Variants in TRPS1 observed in about 807,000 individuals in gnomAD.
TRPS1 encodes transcriptional repressor GATA binding 1.
A neutral mutation model predicts 101.2 loss-of-function variants in TRPS1; 6 were observed. That is an observed-to-expected ratio of 0.06 (90% CI 0.03 to 0.12). The LOEUF is 0.12. Among genes scored for constraint, TRPS1 ranks in the 10% least tolerant of loss-of-function variants. The pLI, the probability that TRPS1 is intolerant of heterozygous loss-of-function variation, is 1.00. For synonymous variants in TRPS1, 578 were observed against 589.8 expected, an observed-to-expected ratio of 0.98 and a Z score of 0.29; for missense variants, 1,363 against 1,567.0, an observed-to-expected ratio of 0.87 and a Z score of 2.20.
chr8:115,594,826 C>T (rs998796049), intron 4 of TRPS1, among the ~76,000 whole-genome samples: 2 of 151,828 alleles, frequency 1.3e-5, no homozygotes, highest in African/African-American at 4.8e-5. Flanking sequence ...TACTCCTTTA[C>T]TATGCTCTGA....
chr8:115,594,897 T>G (rs1168927786), intron 4 of TRPS1, among the ~76,000 whole-genome samples: 4 of 151,956 alleles, frequency 2.6e-5, no homozygotes, highest in Non-Finnish European at 5.9e-5. Context: ...GTTTTTTTTC[T>G]TTTAAATGTT....
intron 5 of TRPS1, among the ~76,000 whole-genome samples, chr8:115,536,550 A>G (rs1040938941): frequency 2.0e-5 from 3 of 147,730 alleles, no homozygotes; most frequent in Admixed American, 6.8e-5. Flanking sequence ...AATGTATTTC[A>G]CAGCATTGTA....
chr8:115,476,934 G>A (rs1175801465), intron 5 of TRPS1, among the ~76,000 whole-genome samples: 1 of 152,100 alleles, frequency 6.6e-6, no homozygotes, highest in Non-Finnish European at 1.5e-5. Flanking sequence ...TCCTTCGTAT[G>A]TCTGCATTTC....
chr8:115,435,320 A>G (rs542989741), intron 5 of TRPS1, among the ~76,000 whole-genome samples: 102 of 152,290 alleles, frequency 6.7e-4, no homozygotes, highest in Non-Finnish European at 1.1e-3. Flanking sequence ...TGGCAGAACA[A>G]CCTTGGTAGC....
At chr8:115,527,070 G>A (rs1300614926) in intron 5 of TRPS1, among the ~76,000 whole-genome samples, 1 of 151,964 alleles carries the variant, frequency 6.6e-6, no homozygotes, top group Non-Finnish European at 1.5e-5. Flanking sequence ...GTTTTCCAGG[G>A]GATATCACGT....
intron 5 of TRPS1, among the ~76,000 whole-genome samples, chr8:115,449,006 A>G (rs1351747408): frequency 6.6e-6 from 1 of 152,198 alleles, no homozygotes; most frequent in Non-Finnish European, 1.5e-5. Flanking sequence ...AACCACATAT[A>G]TTCTACTTTC....
intron 1 of TRPS1, chr8:115,668,036 G>A: frequency 1.2e-6 from 1 of 826,334 alleles, no homozygotes; most frequent in Admixed American, 2.4e-5. Context: ...ACAGCGAGGG[G>A]GAGTGGGGCT....
chr8:115,480,249 G>C (rs1814717595), intron 5 of TRPS1, among the ~76,000 whole-genome samples: 1 of 152,024 alleles, frequency 6.6e-6, no homozygotes, highest in African/African-American at 2.4e-5. Context: ...TCAACAGGGA[G>C]ATGAAATGAA....
Position 115,619,205 on chromosome 8 carries a change from G to C in TRPS1, c.893C>G (p.Ser298Cys), listed in dbSNP as rs1338633532. ...GTCCTGCAGCACACCAGAAAACACA[G>C]AACGGTTGACCTTCTGGAAGTCTTT... ...HSKDFQKVNR[S>C]VFSGVLQDIN... Residue 298 changes from serine (S) to cysteine (C), a missense_variant, in exon 3 of 7, where the codon TCT becomes TGT. Coordinates refer to ENST00000395715, the MANE Select transcript of TRPS1 (RefSeq NM_014112.5). 1 of 1,614,026 alleles carries C rather than the reference G, an allele frequency of 6.2e-7. No individual in the cohort carries two copies. Among genetic ancestry groups the C allele is most frequent in the South Asian group, 1.1e-5 (1 of 91,088 alleles).
At chr8:115,590,521 A>G (rs2130453760) in intron 4 of TRPS1, among the ~76,000 whole-genome samples, 1 of 152,362 alleles carries the variant, frequency 6.6e-6, no homozygotes, top group East Asian at 1.9e-4. Context: ...TACCAGGGTG[A>G]CAAGAAGGAG....
chr8:115,572,569 A>G (rs1023370843), intron 5 of TRPS1, among the ~76,000 whole-genome samples: 2 of 152,176 alleles, frequency 1.3e-5, no homozygotes, highest in African/African-American at 4.8e-5. Context: ...AAAAGTCTTA[A>G]AGAATCAGTG....
At chr8:115,629,592 C>A (rs1370335237) in intron 1 of TRPS1, among the ~76,000 whole-genome samples, 1 of 151,792 alleles carries the variant, frequency 6.6e-6, no homozygotes, top group African/African-American at 2.4e-5. Context: ...ACCTTATATG[C>A]CAAATTTGTT....
chr8:115,456,487 A>C (rs1814028794), intron 5 of TRPS1, among the ~76,000 whole-genome samples: 1 of 152,190 alleles, frequency 6.6e-6, no homozygotes, highest in Non-Finnish European at 1.5e-5. Context: ...TTCTATATAT[A>C]ATATCGATTT....
chr8:115,507,344 C>A (rs1432865856), intron 5 of TRPS1, among the ~76,000 whole-genome samples: 1 of 152,064 alleles, frequency 6.6e-6, no homozygotes, highest in South Asian at 2.1e-4. Context: ...GGTCCCCAAA[C>A]AGCCTAATCT....
chr8:115,499,939 CTTTCTTTCTTTCTTTCTTTCTTTCT>C (rs1293379741), intron 5 of TRPS1, among the ~76,000 whole-genome samples: 361 of 79,538 alleles, frequency 4.5e-3, no homozygotes, highest in South Asian at 8.5e-3. Context: ...TTCTTTCTTT[CTTTCTTTCTTTCTTTCTTTCTTTCT>C]TTTCTTTTCT....
chr8:115,666,050 T>C (rs3808478), intron 1 of TRPS1, among the ~76,000 whole-genome samples: 75,593 of 151,920 alleles, frequency 0.5, 21,647 homozygotes, highest in African/African-American at 0.78. Flanking sequence ...ATAATGTTGG[T>C]ATTAAGGCTC....
rs1221423185 is a variant in TRPS1, at chr8:115,410,503, T to C, written c.*3520A>G. On this transcript the variant is annotated 3_prime_UTR_variant, in exon 7 of 7. Coordinates refer to ENST00000395715, the MANE Select transcript of TRPS1 (RefSeq NM_014112.5). ...GTTGATTAAAAAAAATCTCAATATGTCATGTAGAGAGAATTGGGCATACTC... is the reference window on the plus strand; with the variant it reads ...GTTGATTAAAAAAAATCTCAATATGCCATGTAGAGAGAATTGGGCATACTC... 6.6e-6 allele frequency: 1 copy of C among 152,472 alleles called. No homozygotes were observed. Among genetic ancestry groups the C allele is most frequent in the African/African-American group, 2.4e-5 (1 of 41,434 alleles). The allele number at this position is 152,472 out of a possible 1,614,324, so 9.4% of individuals were successfully genotyped here. A position where few individuals can be genotyped will look rare whatever the true frequency, so the allele number is the denominator to read the frequency against.
chr8:115,466,512 A>G (rs917817691), intron 5 of TRPS1, among the ~76,000 whole-genome samples: 14 of 152,292 alleles, frequency 9.2e-5, no homozygotes, highest in African/African-American at 3.4e-4. Flanking sequence ...AACACAGTAT[A>G]GTTTCTCCAT....
chr8:115,413,733 C>A lies in TRPS1; in HGVS notation c.*290G>T, dbSNP rs1194555416. 8.3e-6 allele frequency: 3 copies of A among 360,100 alleles called. No individual in the cohort carries two copies. The highest frequency in any genetic ancestry group is 4.2e-5 in the African/African-American group (2 of 47,126). The allele number at this position is 360,100 out of a possible 1,614,324, so 22.3% of individuals were successfully genotyped here. Reference sequence around the variant, plus strand: ...TATATTAATTCTAGTCTGGTGATATCTCTTATGGATTATTTCCCCAGTACA... The same window carrying A: ...TATATTAATTCTAGTCTGGTGATATATCTTATGGATTATTTCCCCAGTACA... On this transcript the variant is annotated 3_prime_UTR_variant, in exon 7 of 7. Coordinates refer to ENST00000395715, the MANE Select transcript of TRPS1 (RefSeq NM_014112.5).
Sources: allele counts gnomAD v4.1 joint callset (sites outside exome capture counted in the v4.1 genomes callset), GRCh38; gene constraint gnomAD v4.1.1; transcripts MANE v1.5; gene names NCBI Gene and HGNC (gene_info 2026-07-23, HGNC 2026-07-21).